KCNK12: variants seen among roughly 807,000 people sequenced by gnomAD.
KCNK12 encodes the protein potassium two pore domain channel subfamily K member 12.
A neutral mutation model predicts 25.3 loss-of-function variants in KCNK12; 6 were observed. The observed-to-expected ratio is 0.24, with a 90% CI of 0.13 to 0.47. KCNK12 has a LOEUF of 0.47. Among genes scored for constraint, KCNK12 ranks in the 20% least tolerant of loss-of-function variants. The pLI, the probability that KCNK12 is intolerant of heterozygous loss-of-function variation, is 0.99. For synonymous variants in KCNK12, 331 were observed against 311.1 expected (o/e 1.06, Z -0.67); for missense variants, 444 against 661.7 (o/e 0.67, Z 3.61).
At position 47,509,305 on chromosome 2, in the gene KCNK12, A is replaced by G. The variant is rs1354702127; in HGVS notation, c.*11602T>C. Among the ~76,000 whole-genome samples, 1 of 152,242 alleles carries G rather than the reference A, an allele frequency of 6.6e-6. No individual in the cohort carries two copies. Among genetic ancestry groups the G allele is most frequent in the Non-Finnish European group, 1.5e-5 (1 of 68,048 alleles). On this transcript the variant is annotated 3_prime_UTR_variant, in exon 2 of 2. Coordinates refer to ENST00000327876, the MANE Select transcript of KCNK12 (RefSeq NM_022055.2). ...AGACCAAACATTGAGCACTGAGTGA[A>G]AAAGTTTTATTGCCAAACAGGAAAC...
intron 1 of KCNK12, among the ~76,000 whole-genome samples, chr2:47,567,509 T>C (rs1373226393): frequency 1.3e-5 from 2 of 152,234 alleles, no homozygotes; most frequent in Non-Finnish European, 2.9e-5. Flanking sequence ...AAGAGAAAGC[T>C]GAAATGCCAA....
At position 47,556,430 on chromosome 2, in the gene KCNK12, T is replaced by C. The variant is rs181696130; in HGVS notation, c.391+13511A>G. Among the ~76,000 whole-genome samples the C allele has an allele frequency of 1.3e-4, 20 of 152,118 alleles. No individual in the cohort carries two copies. The highest frequency in any genetic ancestry group is 4.3e-4 in the African/African-American group (18 of 41,488). On this transcript the variant is annotated intron_variant, in intron 1 of 1. Coordinates refer to ENST00000327876, the MANE Select transcript of KCNK12 (RefSeq NM_022055.2). This position sits in a 1 kb window ranked among gnomAD's most constrained non-coding sequence, Gnocchi z 4.8. ...GGTAGTTAGCAGAGAGTGAGGGGAA[T>C]GGGAGGCTAAAGATGGAAGAGGGAG...
In KCNK12 at chr2:47,547,967, G is replaced by A. The variant is rs1669347589; in HGVS notation, c.391+21974C>T. ...GGTGGGAAGTGATTGGAACATGGGG[G>A]TGGATTTCCCCCTTGCCGTTCTCAT... On this transcript the variant is annotated intron_variant, in intron 1 of 1. Transcript: ENST00000327876. This position sits in a 1 kb window ranked among gnomAD's most constrained non-coding sequence, Gnocchi z 5.0. 6.6e-6 allele frequency among the ~76,000 whole-genome samples: 1 copy of A among 152,144 alleles called. No individual in the cohort carries two copies. The highest frequency in any genetic ancestry group is 2.4e-5 in the African/African-American group (1 of 41,436).
At chr2:47,545,082 C>T (rs1012046851) in intron 1 of KCNK12, among the ~76,000 whole-genome samples, 4 of 152,050 alleles carry the variant, frequency 2.6e-5, no homozygotes, top group Non-Finnish European at 1.5e-5. Flanking sequence ...AGAGTCTCAC[C>T]GTCTGGGTGG....
At chr2:47,532,054 A>C (rs570693336) in intron 1 of KCNK12, among the ~76,000 whole-genome samples, 2 of 151,990 alleles carry the variant, frequency 1.3e-5, no homozygotes, top group African/African-American at 4.8e-5. Flanking sequence ...CTCAAAAAAA[A>C]CCCCCAAAAA....
Position 47,522,105 on chromosome 2 carries a change from C to CA in KCNK12, c.392-298dup, listed in dbSNP as rs1395879657. Among the ~76,000 whole-genome samples, 11 of 152,272 alleles carry CA rather than the reference C, an allele frequency of 7.2e-5. No homozygotes were observed. In the East Asian group the frequency reaches 1.5e-3, roughly 21 times the overall value. On this transcript the variant is annotated intron_variant, in intron 1 of 1. Coordinates refer to ENST00000327876, the MANE Select transcript of KCNK12 (RefSeq NM_022055.2). Reference sequence around the variant, plus strand: ...TCACTAGGAAGGACCCATCATGACACAAAAAATAGAAACCACTGCTGCACA... The same window carrying CA: ...TCACTAGGAAGGACCCATCATGACACAAAAAAATAGAAACCACTGCTGCACA...
Position 47,570,007 on chromosome 2 carries a change from C to T in KCNK12, c.325G>A (p.Ala109Thr), listed in dbSNP as rs1282594413. The T allele has an allele frequency of 8.4e-6, 12 of 1,431,366 alleles. No individual in the cohort carries two copies. The South Asian group carries it at 1.2e-4, about 14-fold the overall frequency. The allele number at this position is 1,431,366 out of a possible 1,614,324, so 88.7% of individuals were successfully genotyped here. A position where few individuals can be genotyped will look rare whatever the true frequency, so the allele number is the denominator to read the frequency against. The change falls in exon 1 of 2, where the codon GCG becomes ACG. Residue 109 changes from alanine (A) to threonine (T), a missense_variant. Transcript: ENST00000327876. ...GGGAAGTCCCAGCGCGGGCGCAGCGCGTCGGCGCGGACGCCGGCGGCCAGC... is the reference window on the plus strand; with the variant it reads ...GGGAAGTCCCAGCGCGGGCGCAGCGTGTCGGCGCGGACGCCGGCGGCCAGC... The part of the protein sequence containing the change: ...AALAAGVRAD[A>T]LRPRWDFPGA...
chr2:47,521,369 G>A lies in KCNK12; in HGVS notation c.831C>T (p.Arg277=). ...GCAGGATGAAGAGGAAGTTGCCCAG[G>A]CGGTAGAGCCCCTGGTTCCGGTAGG... ...HAAYRNQGLY[R]LGNFLFILLG... The change falls in exon 2 of 2, where the codon CGC becomes CGT. Residue 277 remains arginine (R), a synonymous_variant. Coordinates refer to ENST00000327876, the MANE Select transcript of KCNK12 (RefSeq NM_022055.2). 1.9e-6 allele frequency: 3 copies of A among 1,613,650 alleles called. No individual in the cohort carries two copies. Among genetic ancestry groups the A allele is most frequent in the Non-Finnish European group, 1.7e-6 (2 of 1,179,842 alleles).
intron 1 of KCNK12, among the ~76,000 whole-genome samples, chr2:47,545,139 T>C (rs917559395): frequency 6.6e-6 from 1 of 151,924 alleles, no homozygotes; most frequent in African/African-American, 2.4e-5. Flanking sequence ...TGCTAGGAGG[T>C]TAGATCATCA....
intron 1 of KCNK12, among the ~76,000 whole-genome samples, chr2:47,552,023 G>C (rs910301855): frequency 6.6e-6 from 1 of 152,144 alleles, no homozygotes; most frequent in Non-Finnish European, 1.5e-5. Flanking sequence ...GTGGGGAGGT[G>C]GGGGGAAGGT....
In KCNK12 at chr2:47,517,324, C is replaced by G. The variant is rs1345614728; in HGVS notation, c.*3583G>C. The G allele has an allele frequency of 6.6e-6, 1 of 152,156 alleles. No individual in the cohort carries two copies. The highest frequency in any genetic ancestry group is 1.5e-5 in the Non-Finnish European group (1 of 68,060). 9.4% of individuals were successfully genotyped at this position (152,156 alleles called of 1,614,324 possible). On this transcript the variant is annotated 3_prime_UTR_variant, in exon 2 of 2. Transcript: ENST00000327876. This position sits in a 1 kb window ranked among gnomAD's most constrained non-coding sequence, Gnocchi z 4.1. ...AGAGGGGGTCTGCTGGGAGGCCTGTCTGAAGGACGGAGGATCCTGGGTCAA... is the reference window on the plus strand; with the variant it reads ...AGAGGGGGTCTGCTGGGAGGCCTGTGTGAAGGACGGAGGATCCTGGGTCAA...
rs1669555217 is a variant in KCNK12 at position 47,556,603 on chromosome 2, G to A, written c.391+13338C>T. On this transcript the variant is annotated intron_variant, in intron 1 of 1. Coordinates refer to ENST00000327876, the MANE Select transcript of KCNK12 (RefSeq NM_022055.2). The surrounding 1 kb of genome is among the most constrained non-coding windows in gnomAD (Gnocchi z 4.8). ...TGTTAGCCATATTCAGCTGCTTGAG[G>A]GCAGATGAAGAATACGTGGGAAGTT... 6.6e-6 allele frequency among the ~76,000 whole-genome samples: 1 copy of A among 152,154 alleles called. No individual in the cohort carries two copies. The highest frequency in any genetic ancestry group is 2.4e-5 in the African/African-American group (1 of 41,414).
At position 47,514,053 on chromosome 2, in the gene KCNK12, GC is replaced by G. The variant is rs575970886; in HGVS notation, c.*6853del. Among the ~76,000 whole-genome samples the G allele has an allele frequency of 6.6e-4, 100 of 152,206 alleles. No homozygotes were observed. The highest frequency in any genetic ancestry group is 8.3e-4 in the South Asian group (4 of 4,816). On this transcript the variant is annotated 3_prime_UTR_variant, in exon 2 of 2. Coordinates refer to ENST00000327876, the MANE Select transcript of KCNK12 (RefSeq NM_022055.2). The surrounding 1 kb of genome is among the most constrained non-coding windows in gnomAD (Gnocchi z 5.0). ...GTTTTACAAGGCCCTTCGCTATCTG[GC>G]CCCCTCATTACCTCCCTTGCTCTGC...
chr2:47,567,964 TC>T (rs1367459094), intron 1 of KCNK12, among the ~76,000 whole-genome samples: 2 of 152,192 alleles, frequency 1.3e-5, no homozygotes, highest in Non-Finnish European at 2.9e-5. Context: ...GGGCTCAGAA[TC>T]AGTGCCTCCA....
chr2:47,548,714 GA>G lies in KCNK12; in HGVS notation c.391+21226del, dbSNP rs1450615632. Among the ~76,000 whole-genome samples, 1 of 152,160 alleles carries G rather than the reference GA, an allele frequency of 6.6e-6. No individual in the cohort carries two copies. Among genetic ancestry groups the G allele is most frequent in the African/African-American group, 2.4e-5 (1 of 41,450 alleles). ...ATGAGATAATTATTTTCAGACATTG[GA>G]AAAAAGGTAGTTCAGGATTATGGTC... On this transcript the variant is annotated intron_variant, in intron 1 of 1. Transcript: ENST00000327876. This position sits in a 1 kb window ranked among gnomAD's most constrained non-coding sequence, Gnocchi z 4.4.
In KCNK12 at chr2:47,515,747, A is replaced by C. The variant is rs1668509718; in HGVS notation, c.*5160T>G. 6.6e-6 allele frequency among the ~76,000 whole-genome samples: 1 copy of C among 152,096 alleles called. No individual in the cohort carries two copies. The highest frequency in any genetic ancestry group is 2.4e-5 in the African/African-American group (1 of 41,418). ...AAGGAAAAGAAGGAGGGGGATGTGG[A>C]GGGGAGAGAAGGCCTCAGTAGAGTT... is the stretch of plus-strand genomic sequence containing the variant. On this transcript the variant is annotated 3_prime_UTR_variant, in exon 2 of 2. Coordinates refer to ENST00000327876, the MANE Select transcript of KCNK12 (RefSeq NM_022055.2).
intron 1 of KCNK12, among the ~76,000 whole-genome samples, chr2:47,539,170 C>A (rs930456056): frequency 3.9e-5 from 6 of 152,182 alleles, no homozygotes; most frequent in African/African-American, 1.4e-4. Flanking sequence ...GAAACTGAAT[C>A]CAGGATAAAT....
chr2:47,528,388 T>G lies in KCNK12; in HGVS notation c.392-6580A>C, dbSNP rs1668837171. The G allele has an allele frequency of 6.6e-6, 1 of 152,322 alleles. No homozygotes were observed. The highest frequency in any genetic ancestry group is 2.4e-5 in the African/African-American group (1 of 41,422). The allele number at this position is 152,322 out of a possible 1,614,324, so 9.4% of individuals were successfully genotyped here. ...ATCAAGGTCAGTAGGTTCAGAGCTC[T>G]GGGGGGGTGCTGAGACCCTGGGACA... On this transcript the variant is annotated intron_variant, in intron 1 of 1. Coordinates refer to ENST00000327876, the MANE Select transcript of KCNK12 (RefSeq NM_022055.2). The surrounding 1 kb of genome is among the most constrained non-coding windows in gnomAD (Gnocchi z 4.5).
In KCNK12 at chr2:47,551,205, C is replaced by T. The variant is rs1427517648; in HGVS notation, c.391+18736G>A. Among the ~76,000 whole-genome samples the T allele has an allele frequency of 4.6e-5, 7 of 152,126 alleles. No individual in the cohort carries two copies. Among genetic ancestry groups the T allele is most frequent in the Admixed American group, 1.3e-4 (2 of 15,264 alleles). On this transcript the variant is annotated intron_variant, in intron 1 of 1. Transcript: ENST00000327876. This position sits in a 1 kb window ranked among gnomAD's most constrained non-coding sequence, Gnocchi z 5.3. ...TATTCCAGACACACTGGCTTCCTTG[C>T]GGCTCCTCCAGCAAACCCTGCAAGC... is the stretch of plus-strand genomic sequence containing the variant.
Sources: allele counts gnomAD v4.1 joint callset (sites outside exome capture counted in the v4.1 genomes callset), GRCh38; gene constraint gnomAD v4.1.1; non-coding constraint Gnocchi (gnomAD v3.1); transcripts MANE v1.5; gene names NCBI Gene and HGNC (gene_info 2026-07-23, HGNC 2026-07-21).